Variants in PEBP4 observed in about 807,000 individuals in gnomAD.
PEBP4 encodes the protein phosphatidylethanolamine-binding protein 4.
PEBP4 carries 22 observed loss-of-function variants against 23.9 expected under a neutral mutation model. The ratio of observed to expected loss-of-function variants is 0.92; its 90% CI spans 0.66 to 1.31. The LOEUF (loss-of-function observed/expected upper bound fraction) is 1.31. Ranked by LOEUF, PEBP4 falls within the 40% of genes most tolerant of loss-of-function variation. The pLI, the probability that PEBP4 is intolerant of heterozygous loss-of-function variation, is 0.00. For synonymous variants in PEBP4, 112 were observed against 99.3 expected (o/e 1.13, Z -0.76); for missense variants, 324 against 281.7 (o/e 1.15, Z -1.07).
intron 4 of PEBP4, among the ~76,000 whole-genome samples, chr8:22,777,847 G>C (rs1436134413): frequency 6.6e-6 from 1 of 152,122 alleles, no homozygotes; most frequent in South Asian, 2.1e-4. Flanking sequence ...GGGCGTGTGG[G>C]AGAAGGCTGC....
chr8:22,862,864 G>A (rs1023244045), intron 3 of PEBP4, among the ~76,000 whole-genome samples: 8 of 147,748 alleles, frequency 5.4e-5, no homozygotes, highest in South Asian at 2.1e-4. Flanking sequence ...GCAGTGGTGC[G>A]ATCTTGGCTC....
chr8:22,756,270 C>G (rs576804792), intron 4 of PEBP4, among the ~76,000 whole-genome samples: 1 of 152,170 alleles, frequency 6.6e-6, no homozygotes, highest in African/African-American at 2.4e-5. Flanking sequence ...CTGGGGAGGG[C>G]GGGCTTGTGC....
chr8:22,834,890 G>C (rs1807167740), intron 3 of PEBP4, among the ~76,000 whole-genome samples: 1 of 152,158 alleles, frequency 6.6e-6, no homozygotes, highest in Non-Finnish European at 1.5e-5. Context: ...CCAGTCCTTG[G>C]CTGAATCAGC....
upstream of PEBP4, among the ~76,000 whole-genome samples, chr8:22,930,217 T>C (rs766502369): frequency 2.6e-5 from 4 of 152,178 alleles, no homozygotes; most frequent in Non-Finnish European, 4.4e-5. Flanking sequence ...TCAAGCTCCT[T>C]TCTATGCCAG....
At position 22,918,134 on chromosome 8, in the gene PEBP4, C is replaced by T. The variant is rs536196422; in HGVS notation, c.258+2050G>A. Among the ~76,000 whole-genome samples, 7 of 152,280 alleles carry T rather than the reference C, an allele frequency of 4.6e-5. No homozygotes were observed. The South Asian group carries it at 1.0e-3, about 23-fold the overall frequency. ...AACTTGGAGACTTAAATGAAAGGTC[C>T]GAGTAGTGCCCAGGAATGGAATAAG... On this transcript the variant is annotated intron_variant, in intron 3 of 6. Coordinates refer to ENST00000256404, the MANE Select transcript of PEBP4 (RefSeq NM_144962.3).
chr8:22,845,260 G>A (rs1807405629), intron 3 of PEBP4, among the ~76,000 whole-genome samples: 1 of 151,840 alleles, frequency 6.6e-6, no homozygotes, highest in African/African-American at 2.4e-5. Context: ...CAGACCAGAC[G>A]CAGTGGCTCA....
chr8:22,940,919 G>T (rs905534642), intron 1 of PEBP4, among the ~76,000 whole-genome samples: 2 of 152,184 alleles, frequency 1.3e-5, no homozygotes, highest in African/African-American at 4.8e-5. Context: ...GAACAGTGTG[G>T]GAGCTGTTGG....
At chr8:22,898,461 A>G in intron 3 of PEBP4, among the ~76,000 whole-genome samples, 1 of 146,618 alleles carries the variant, frequency 6.8e-6, no homozygotes, top group Non-Finnish European at 1.5e-5. Flanking sequence ...TTTGTTATGG[A>G]ACCCCAAGCT....
chr8:22,817,073 G>C (rs755627034), intron 4 of PEBP4, among the ~76,000 whole-genome samples: 34 of 152,198 alleles, frequency 2.2e-4, no homozygotes, highest in Admixed American at 1.7e-3. Flanking sequence ...GGTGAGCCAG[G>C]CTCCTTCACA....
At chr8:22,761,695 C>T (rs1419989318) in intron 4 of PEBP4, among the ~76,000 whole-genome samples, 1 of 152,170 alleles carries the variant, frequency 6.6e-6, no homozygotes, top group Admixed American at 6.5e-5. Flanking sequence ...GTACTAATTA[C>T]ACACTCCCAA....
At chr8:22,868,973 G>A (rs544016432) in intron 3 of PEBP4, among the ~76,000 whole-genome samples, 1 of 152,168 alleles carries the variant, frequency 6.6e-6, no homozygotes, top group East Asian at 1.9e-4. Context: ...AAAGCCACCA[G>A]ACCCTACAGG....
chr8:22,936,133 T>C (rs1809536764), intron 1 of PEBP4, among the ~76,000 whole-genome samples: 1 of 151,588 alleles, frequency 6.6e-6, no homozygotes, highest in Non-Finnish European at 1.5e-5. Context: ...AAACCAAAAG[T>C]TGGTTCTTTG....
At chr8:22,835,464 C>T (rs536539646) in intron 3 of PEBP4, among the ~76,000 whole-genome samples, 6 of 152,238 alleles carry the variant, frequency 3.9e-5, no homozygotes, top group African/African-American at 1.4e-4. Flanking sequence ...AATAAGCGGC[C>T]CGGGAACACT....
At chr8:22,820,957 G>C (rs1220189004) in intron 3 of PEBP4, among the ~76,000 whole-genome samples, 4 of 152,022 alleles carry the variant, frequency 2.6e-5, no homozygotes, top group African/African-American at 9.7e-5. Flanking sequence ...ACTTTGGGAG[G>C]CTGAGGTGGA....
chr8:22,875,028 T>C (rs1808091071), intron 3 of PEBP4, among the ~76,000 whole-genome samples: 1 of 152,178 alleles, frequency 6.6e-6, no homozygotes. Flanking sequence ...GTGGGGTCTG[T>C]GACTTCTTCT....
chr8:22,822,359 G>GTGTGTGTGTGTGTGTGTGTGTGTGTA (rs1281144480), intron 3 of PEBP4, among the ~76,000 whole-genome samples: 6 of 151,590 alleles, frequency 4.0e-5, no homozygotes, highest in African/African-American at 1.2e-4. Context: ...ACTAAAGTGT[G>GTGTGTGTGTGTGTGTGTGTGTGTGTA]TGTGTGTGTG....
At chr8:22,861,647 C>T (rs1807779650) in intron 3 of PEBP4, among the ~76,000 whole-genome samples, 1 of 152,200 alleles carries the variant, frequency 6.6e-6, no homozygotes, top group African/African-American at 2.4e-5. Flanking sequence ...CCAGGGCTCT[C>T]TGATGTCAGG....
At chr8:22,728,551 T>TTC (rs1563196278) in intron 4 of PEBP4, among the ~76,000 whole-genome samples, 12 of 75,606 alleles carry the variant, frequency 1.6e-4, no homozygotes, top group African/African-American at 4.2e-4. Flanking sequence ...TTCCTTTCTT[T>TTC]CTTTCTTTCT....
At chr8:22,722,179 A>T (rs1278350991) in intron 6 of PEBP4, among the ~76,000 whole-genome samples, 2 of 127,372 alleles carry the variant, frequency 1.6e-5, no homozygotes, top group Non-Finnish European at 3.3e-5. Context: ...CCATTTTCTC[A>T]CTTAAAAAAA....
Sources: allele counts gnomAD v4.1 joint callset (sites outside exome capture counted in the v4.1 genomes callset), GRCh38; gene constraint gnomAD v4.1.1; transcripts MANE v1.5; gene names NCBI Gene and HGNC (gene_info 2026-07-23, HGNC 2026-07-21).